KCNG3: variants seen among roughly 807,000 people sequenced by gnomAD.
The protein encoded by KCNG3 is potassium voltage-gated channel modifier subfamily G member 3, also known as voltage-gated potassium channel regulatory subunit KCNG3.
In KCNG3, 15 loss-of-function variants were observed where a neutral mutation model predicts 29.0. That is an observed-to-expected ratio of 0.52 (90% CI 0.35 to 0.80). The LOEUF (loss-of-function observed/expected upper bound fraction) is 0.80, where lower values mean the gene tolerates loss of function less well. Among genes scored for constraint, KCNG3 ranks in the 30% least tolerant of loss-of-function variants. The probability of loss-of-function intolerance (pLI) is 0.01; values close to 1 mark genes in which losing one functional copy is unlikely to be tolerated. For missense variants in KCNG3, 512 were observed against 605.7 expected (o/e 0.85, Z 1.62); for synonymous variants, 322 against 248.9 (o/e 1.29, Z -2.76).
At chr2:42,473,393 A>G (rs984935428) in intron 1 of KCNG3, among the ~76,000 whole-genome samples, 1 of 150,846 alleles carries the variant, frequency 6.6e-6, no homozygotes, top group Non-Finnish European at 1.5e-5. Context: ...TCTGTCTCCC[A>G]TGGTGGAGTT....
the KCNG3 span, among the ~76,000 whole-genome samples, chr2:42,404,253 C>T: frequency 6.6e-6 from 1 of 152,072 alleles, no homozygotes; most frequent in South Asian, 2.1e-4. Flanking sequence ...AATTTCTTGG[C>T]ACAGAATTGT....
chr2:42,467,700 T>C (rs1673176365), intron 1 of KCNG3, among the ~76,000 whole-genome samples: 2 of 147,606 alleles, frequency 1.4e-5, no homozygotes, highest in South Asian at 2.2e-4. Flanking sequence ...CCATGTGTGA[T>C]GGCTCACAAC....
the KCNG3 span, among the ~76,000 whole-genome samples, chr2:42,430,614 G>C: frequency 2.6e-5 from 4 of 151,768 alleles, no homozygotes; most frequent in East Asian, 7.8e-4. Context: ...AGCTAGGTGT[G>C]GTGGCACACA....
At chr2:42,489,708 T>G (rs893961121) in intron 1 of KCNG3, among the ~76,000 whole-genome samples, 10 of 151,054 alleles carry the variant, frequency 6.6e-5, no homozygotes, top group African/African-American at 2.2e-4. Context: ...AAGGGACATT[T>G]GAGTGGCTCA....
At position 42,442,973 on chromosome 2, in the gene KCNG3, C is replaced by T. The variant is rs1340626389; in HGVS notation, c.*961G>A. Reference sequence around the variant, plus strand: ...CTTTTATGATAATCCAGTGACAACACGTAAGTATGACTTTGCTACTAAAAG... The same window carrying T: ...CTTTTATGATAATCCAGTGACAACATGTAAGTATGACTTTGCTACTAAAAG... On this transcript the variant is annotated 3_prime_UTR_variant, in exon 2 of 2. Coordinates refer to ENST00000306078, the MANE Select transcript of KCNG3 (RefSeq NM_133329.6). 10 of 152,196 alleles carry T rather than the reference C, an allele frequency of 6.6e-5. No individual in the cohort carries two copies. The highest frequency in any genetic ancestry group is 6.2e-4 in the South Asian group (3 of 4,826). The allele number at this position is 152,196 out of a possible 1,614,324, so 9.4% of individuals were successfully genotyped here. A position where few individuals can be genotyped will look rare whatever the true frequency, so the allele number is the denominator to read the frequency against.
chr2:42,483,329 A>C (rs1673638123), intron 1 of KCNG3, among the ~76,000 whole-genome samples: 1 of 152,214 alleles, frequency 6.6e-6, no homozygotes, highest in Admixed American at 6.5e-5. Flanking sequence ...AAAATGTTTA[A>C]AGCACAATCC....
At chr2:42,449,712 G>A (rs6713761) in intron 1 of KCNG3, among the ~76,000 whole-genome samples, 51,602 of 151,782 alleles carry the variant, frequency 0.34, 9,105 homozygotes, top group Admixed American at 0.48. Context: ...TGGCCTCCCA[G>A]AGTGCTGGAA....
Position 42,446,350 on chromosome 2 carries a change from T to C in KCNG3, c.666-1771A>G, listed in dbSNP as rs1672597473. 2.0e-5 allele frequency among the ~76,000 whole-genome samples: 3 copies of C among 151,890 alleles called. No homozygotes were observed. The South Asian group carries it at 6.3e-4, about 32-fold the overall frequency. On this transcript the variant is annotated intron_variant, in intron 1 of 1. Transcript: ENST00000306078. ...CGCGATCACGCCTGGCTAATTTTTT[T>C]ATATTTTGAGTAGAGACGGGGTTTC...
At chr2:42,395,647 A>G in the KCNG3 span, among the ~76,000 whole-genome samples, 5 of 152,172 alleles carry the variant, frequency 3.3e-5, no homozygotes, top group African/African-American at 1.2e-4. Flanking sequence ...ATAAATTGAA[A>G]ATGTTGTAAA....
At chr2:42,474,212 G>A (rs115704980) in intron 1 of KCNG3, among the ~76,000 whole-genome samples, 202 of 151,658 alleles carry the variant, frequency 1.3e-3, no homozygotes, top group African/African-American at 4.4e-3. Flanking sequence ...GACAGAGCAA[G>A]AGTTCATCTC....
At chr2:42,408,960 G>T in the KCNG3 span, among the ~76,000 whole-genome samples, 1 of 152,126 alleles carries the variant, frequency 6.6e-6, no homozygotes, top group Non-Finnish European at 1.5e-5. Context: ...TGCAAGCCAT[G>T]GAATCTGCTT....
Position 42,451,340 on chromosome 2 carries a change from G to A in KCNG3, c.666-6761C>T, listed in dbSNP as rs144561479. On this transcript the variant is annotated intron_variant, in intron 1 of 1. Transcript: ENST00000306078. Reference sequence around the variant, plus strand: ...CACCTGTAATCTCAGCACTTTGGGAGGCTGAAGTGGGAGGACTGCTTGAGC... The same window carrying A: ...CACCTGTAATCTCAGCACTTTGGGAAGCTGAAGTGGGAGGACTGCTTGAGC... 6.4e-3 allele frequency among the ~76,000 whole-genome samples: 978 copies of A among 152,186 alleles called. 9 individuals carry two copies. The highest frequency in any genetic ancestry group is 0.023 in the African/African-American group (940 of 41,528).
chr2:42,437,439 C>T (rs1023581840), downstream of KCNG3, among the ~76,000 whole-genome samples: 1 of 152,142 alleles, frequency 6.6e-6, no homozygotes, highest in African/African-American at 2.4e-5. Flanking sequence ...AGAGATTAAG[C>T]AGTTTATCTC....
rs903312843 is a variant in KCNG3, at chr2:42,442,954, T to C, written c.*980A>G. ...AGTAATATTTAATTTCTCCCTTTTA[T>C]GATAATCCAGTGACAACACGTAAGT... On this transcript the variant is annotated 3_prime_UTR_variant, in exon 2 of 2. Transcript: ENST00000306078. 1 of 152,206 alleles carries C rather than the reference T, an allele frequency of 6.6e-6. No homozygotes were observed. Among genetic ancestry groups the C allele is most frequent in the African/African-American group, 2.4e-5 (1 of 41,460 alleles). The allele number at this position is 152,206 out of a possible 1,614,324, so 9.4% of individuals were successfully genotyped here.
At chr2:42,426,748 A>G in the KCNG3 span, among the ~76,000 whole-genome samples, 6 of 152,246 alleles carry the variant, frequency 3.9e-5, no homozygotes, top group Non-Finnish European at 5.9e-5. Flanking sequence ...TCTTACATCC[A>G]GGGACTTTAT....
the KCNG3 span, among the ~76,000 whole-genome samples, chr2:42,431,987 C>G: frequency 6.9e-6 from 1 of 144,708 alleles, no homozygotes; most frequent in Non-Finnish European, 1.5e-5. Flanking sequence ...TGCAGTGAGC[C>G]AAGATAATGC....
At chr2:42,392,990 T>G in the KCNG3 span, among the ~76,000 whole-genome samples, 2 of 152,124 alleles carry the variant, frequency 1.3e-5, no homozygotes, top group Non-Finnish European at 2.9e-5. Context: ...GCAGTTTAAG[T>G]CAGTCAGTCT....
rs1470677084 is a variant in KCNG3, at chr2:42,443,146, T to A, written c.*788A>T. 6.6e-6 allele frequency: 1 copy of A among 152,212 alleles called. No homozygotes were observed. 9.4% of individuals were successfully genotyped at this position (152,212 alleles called of 1,614,324 possible). ...TGTTGGAAGTATTCTTGTTTGGACATCTAAATATTAGGACAGTTATCACCT... is the reference window on the plus strand; with the variant it reads ...TGTTGGAAGTATTCTTGTTTGGACAACTAAATATTAGGACAGTTATCACCT... On this transcript the variant is annotated 3_prime_UTR_variant, in exon 2 of 2. Transcript: ENST00000306078.
At position 42,470,876 on chromosome 2, in the gene KCNG3, G is replaced by A. The variant is rs752907359; in HGVS notation, c.665+21961C>T. Among the ~76,000 whole-genome samples the A allele has an allele frequency of 7.2e-5, 11 of 151,730 alleles. No homozygotes were observed. In the South Asian group the frequency reaches 1.0e-3, roughly 14 times the overall value. On this transcript the variant is annotated intron_variant, in intron 1 of 1. Transcript: ENST00000306078. ...TGTCTCAAAAAAAAAGAAGTGGGGG[G>A]CCAGGTGGCGTGGCTCTCACACCTG...
Sources: gnomAD v4.1 joint callset for allele counts (sites outside exome capture counted in the v4.1 genomes callset) on GRCh38, gnomAD v4.1.1 for gene constraint, MANE v1.5 for transcripts, NCBI Gene and HGNC (gene_info 2026-07-23, HGNC 2026-07-21) for gene names.